HSPA4L: variants seen among roughly 807,000 people sequenced by gnomAD.
HSPA4L encodes heat shock protein family A (Hsp70) member 4 like.
HSPA4L carries 48 observed loss-of-function variants against 100.3 expected under a neutral mutation model. The observed-to-expected ratio is 0.48, with a 90% confidence interval of 0.38 to 0.61. HSPA4L has a LOEUF of 0.61. HSPA4L is among the 20% of genes least tolerant of loss of function. The pLI, the probability that HSPA4L is intolerant of heterozygous loss-of-function variation, is 0.00. For synonymous variants in HSPA4L, 319 were observed against 328.2 expected (o/e 0.97, Z 0.30); for missense variants, 886 against 988.6 (o/e 0.90, Z 1.39).
intron 11 of HSPA4L, chr4:127,809,066 G>A: frequency 1.8e-6 from 1 of 556,918 alleles, no homozygotes; most frequent in South Asian, 2.2e-5. Flanking sequence ...TAATATGAAG[G>A]TGAGGGCGAT....
Position 127,827,454 on chromosome 4 carries a change from G to T in HSPA4L, c.2166+30G>T, listed in dbSNP as rs775755961. The T allele has an allele frequency of 8.1e-6, 13 of 1,612,018 alleles. No individual in the cohort carries two copies. In the Admixed American group the frequency reaches 2.0e-4, roughly 25 times the overall value. On this transcript the variant is annotated intron_variant, in intron 17 of 18. Coordinates refer to ENST00000296464, the MANE Select transcript of HSPA4L (RefSeq NM_014278.4). ...TGAATTCATAAAGCCAATTGGTGAC[G>T]ATGGCATGTGCATGGTACATAGAAT...
chr4:127,832,526 T>A (rs1191178828), intron 18 of HSPA4L, among the ~76,000 whole-genome samples, 157 bp from the exon 19 acceptor site: 9 of 152,194 alleles, frequency 5.9e-5, no homozygotes, highest in African/African-American at 2.2e-4. Context: ...GGTAAATCTC[T>A]CATGAGGCAT....
intron 16 of HSPA4L, among the ~76,000 whole-genome samples, chr4:127,825,853 G>A: frequency 6.6e-6 from 1 of 151,246 alleles, no homozygotes; most frequent in South Asian, 2.1e-4. Context: ...TTGAACCCAG[G>A]AGGTGGAGGT....
At position 127,830,688 on chromosome 4, in the gene HSPA4L, A is replaced by C; in HGVS notation, c.2217A>C (p.Lys739Asn). 1 of 1,609,824 alleles carries C rather than the reference A, an allele frequency of 6.2e-7. No individual in the cohort carries two copies. The highest frequency in any genetic ancestry group is 1.3e-5 in the African/African-American group (1 of 74,672). The change falls in exon 18 of 19, where the codon AAA becomes AAC. Residue 739 changes from lysine (K) to asparagine (N), a missense_variant. Coordinates refer to ENST00000296464, the MANE Select transcript of HSPA4L (RefSeq NM_014278.4). Reference protein sequence around the residue: ...LDPTEMEKVEKCISDAMSWLN... With the variant: ...LDPTEMEKVENCISDAMSWLN... ...CTACTGAAATGGAAAAGGTTGAAAA[A>C]TGTATCAGTGATGCCATGAGTTGGC... is the stretch of plus-strand genomic sequence containing the variant.
At position 127,801,229 on chromosome 4, in the gene HSPA4L, C is replaced by G. The variant is rs1165511632; in HGVS notation, c.521C>G (p.Thr174Ser). The G allele has an allele frequency of 6.2e-7, 1 of 1,607,676 alleles. No homozygotes were observed. The highest frequency in any genetic ancestry group is 1.7e-5 in the Admixed American group (1 of 59,286). The change falls in exon 5 of 19, where the codon ACT (threonine) becomes AGT (serine). Residue 174 changes from threonine (T) to serine (S), a missense_variant. Thr to Ser is a moderately conservative substitution (Grantham distance 58). Coordinates refer to ENST00000296464, the MANE Select transcript of HSPA4L (RefSeq NM_014278.4). ...AATTGTTTAAGGTTGATGAATGAAA[C>G]TACTGCAGGTGAGCACTTTGCAATT... ...GLNCLRLMNE[T>S]TAVALAYGIY...
At chr4:127,798,300 TA>T (rs1477119822) in intron 3 of HSPA4L, among the ~76,000 whole-genome samples, 1 of 152,328 alleles carries the variant, frequency 6.6e-6, no homozygotes, top group East Asian at 1.9e-4. Context: ...AAATGAATTA[TA>T]AAAATTGTTT....
chr4:127,790,663 A>T (rs1732848978), intron 1 of HSPA4L, among the ~76,000 whole-genome samples: 1 of 152,210 alleles, frequency 6.6e-6, no homozygotes, highest in South Asian at 2.1e-4. Flanking sequence ...TAATGTGTTC[A>T]CAATAGAGTT....
Position 127,809,083 on chromosome 4 carries a change from G to T in HSPA4L, c.1378+954G>T, listed in dbSNP as rs1733453309. The T allele has an allele frequency of 1.2e-5, 7 of 576,066 alleles. No homozygotes were observed. In the Admixed American group the frequency reaches 1.7e-4, roughly 14 times the overall value. The allele number at this position is 576,066 out of a possible 1,614,324, so 35.7% of individuals were successfully genotyped here. On this transcript the variant is annotated intron_variant, in intron 11 of 18. Transcript: ENST00000296464. ...ATATGAAGGTGAGGGCGATTGGAAG[G>T]TGAGGCGGTCCCGGAGTTCTTGCAT... is the stretch of plus-strand genomic sequence containing the variant.
At chr4:127,810,414 AT>A (rs1244936688) in intron 11 of HSPA4L, among the ~76,000 whole-genome samples, 2 of 152,144 alleles carry the variant, frequency 1.3e-5, no homozygotes, top group Non-Finnish European at 2.9e-5. Context: ...AACGTTAGAA[AT>A]TTGTTGTCTC....
At position 127,822,749 on chromosome 4, in the gene HSPA4L, AT is replaced by A. The variant is rs764492715; in HGVS notation, c.1813-19del. 5 of 1,611,650 alleles carry A rather than the reference AT, an allele frequency of 3.1e-6. No individual in the cohort carries two copies. In the South Asian group the frequency reaches 5.5e-5, roughly 18 times the overall value. ...CTAATGCATATTCTTATGGCAACTA[AT>A]CTGAAGCTTTTTGAATAGGGGAAGA... On this transcript the variant is annotated intron_variant, in intron 14 of 18. Coordinates refer to ENST00000296464, the MANE Select transcript of HSPA4L (RefSeq NM_014278.4).
chr4:127,787,489 A>G (rs1223087651), intron 1 of HSPA4L, among the ~76,000 whole-genome samples: 1 of 152,170 alleles, frequency 6.6e-6, no homozygotes, highest in Non-Finnish European at 1.5e-5. Context: ...TTATGTTTCT[A>G]GCTATACAAG....
intron 17 of HSPA4L, among the ~76,000 whole-genome samples, chr4:127,829,998 CAT>C (rs954161945): frequency 6.6e-6 from 1 of 151,608 alleles, no homozygotes; most frequent in Non-Finnish European, 1.5e-5. Flanking sequence ...TTTTTTTCTT[CAT>C]ATATATAGCT....
chr4:127,804,259 C>T (rs151126095), intron 8 of HSPA4L, among the ~76,000 whole-genome samples, 172 bp downstream of exon 8: 1 of 152,038 alleles, frequency 6.6e-6, no homozygotes, highest in South Asian at 2.1e-4. Context: ...CAGTATAATT[C>T]TGGGTTTATG....
Position 127,832,927 on chromosome 4 carries a change from C to A in HSPA4L, c.*53C>A. On this transcript the variant is annotated 3_prime_UTR_variant, in exon 19 of 19. Transcript: ENST00000296464. The stretch of plus-strand genomic sequence containing the variant: ...AAACCGTGCAAGTAACCACGGGGTC[C>A]ATCTTTTACATCTGGTACACACAAC... 8.0e-7 allele frequency: 1 copy of A among 1,246,726 alleles called. No individual in the cohort carries two copies. The highest frequency in any genetic ancestry group is 1.1e-6 in the Non-Finnish European group (1 of 892,232). The allele number at this position is 1,246,726 out of a possible 1,614,324, so 77.2% of individuals were successfully genotyped here.
Position 127,840,418 on chromosome 4 carries a change from G to A in HSPA4L, c.*7544G>A, listed in dbSNP as rs1011537807. ...GAAATGCAGAAAATGGTAATCAAGT[G>A]TGATGTTTCTATAAAAATAATTGAG... On this transcript the variant is annotated 3_prime_UTR_variant, in exon 19 of 19. Transcript: ENST00000296464. 2.0e-5 allele frequency: 3 copies of A among 152,164 alleles called. No individual in the cohort carries two copies. Among genetic ancestry groups the A allele is most frequent in the Non-Finnish European group, 4.4e-5 (3 of 68,030 alleles). The allele number at this position is 152,164 out of a possible 1,614,324, so 9.4% of individuals were successfully genotyped here. A position where few individuals can be genotyped will look rare whatever the true frequency, so the allele number is the denominator to read the frequency against.
At chr4:127,825,454 A>G (rs1733925807) in intron 16 of HSPA4L, among the ~76,000 whole-genome samples, 1 of 152,200 alleles carries the variant, frequency 6.6e-6, no homozygotes, top group African/African-American at 2.4e-5. Context: ...AGGTGGGGGA[A>G]GGTGTGCAAA....
intron 12 of HSPA4L, 27 bp from the exon 13 acceptor site, chr4:127,818,298 A>G (rs1733724606): frequency 6.8e-7 from 1 of 1,475,734 alleles, no homozygotes; most frequent in Non-Finnish European, 9.4e-7. Context: ...CACTGCGTAT[A>G]TTATCAATTA....
intron 1 of HSPA4L, among the ~76,000 whole-genome samples, chr4:127,790,665 A>G (rs1434843262): frequency 2.0e-5 from 3 of 152,238 alleles, no homozygotes; most frequent in African/African-American, 4.8e-5. Flanking sequence ...ATGTGTTCAC[A>G]ATAGAGTTTG....
At chr4:127,823,056 G>GA (rs938949129) in intron 15 of HSPA4L, among the ~76,000 whole-genome samples, 162 bp downstream of exon 15, 1 of 152,146 alleles carries the variant, frequency 6.6e-6, no homozygotes, top group African/African-American at 2.4e-5. Context: ...GAAGTATGGT[G>GA]AAAAACATAT....
Sources: allele counts gnomAD v4.1 joint callset (sites outside exome capture counted in the v4.1 genomes callset), GRCh38; gene constraint gnomAD v4.1.1; transcripts MANE v1.5; gene names NCBI Gene and HGNC (gene_info 2026-07-23, HGNC 2026-07-21).